GDPD4: variants seen among roughly 807,000 people sequenced by gnomAD.
GDPD4 encodes glycerophosphodiester phosphodiesterase 6.
GDPD4 carries 60 observed loss-of-function variants against 67.8 expected under a neutral mutation model. The ratio of observed to expected loss-of-function variants is 0.88; its 90% CI spans 0.72 to 1.10. The LOEUF is 1.10. GDPD4 is among the 50% of genes least tolerant of loss of function. The pLI, the probability that GDPD4 is intolerant of heterozygous loss-of-function variation, is 0.00. For synonymous variants in GDPD4, 212 were observed against 210.9 expected (o/e 1.00, Z -0.04); for missense variants, 623 against 613.9 (o/e 1.01, Z -0.16).
At chr11:77,222,199 T>C (rs1039334445) in intron 16 of GDPD4, among the ~76,000 whole-genome samples, 1 of 152,228 alleles carries the variant, frequency 6.6e-6, no homozygotes, top group Non-Finnish European at 1.5e-5. Flanking sequence ...TGTCTTTTAA[T>C]TGGGGCATTT....
chr11:77,291,640 A>G (rs932153508), intron 1 of GDPD4, among the ~76,000 whole-genome samples: 1 of 152,228 alleles, frequency 6.6e-6, no homozygotes, highest in Non-Finnish European at 1.5e-5. Flanking sequence ...AAATAAGTAC[A>G]AACATTATGT....
At position 77,297,045 on chromosome 11, in the gene GDPD4, C is replaced by T. The variant is rs189157649; in HGVS notation, c.-254+4560G>A. 8.9e-3 allele frequency among the ~76,000 whole-genome samples: 1,236 copies of T among 138,102 alleles called. 28 individuals are homozygous for T. Among genetic ancestry groups the T allele is most frequent in the African/African-American group, 0.032 (1,176 of 36,804 alleles). The allele number at this position is 138,102 out of a possible 152,430, so 90.6% of individuals were successfully genotyped here. On this transcript the variant is annotated intron_variant, in intron 1 of 16. Transcript: ENST00000315938. ...CTCCAGCCTGGGGGACAGAGGGAGA[C>T]TGCCTCAAAAAAAACAAAAAAAAAA...
chr11:77,248,066 A>AG (rs1555118245), intron 11 of GDPD4, among the ~76,000 whole-genome samples: 90 of 151,520 alleles, frequency 5.9e-4, no homozygotes, highest in African/African-American at 2.1e-3. Flanking sequence ...AAAAAAAAAA[A>AG]AAAAAGAAAA....
intron 10 of GDPD4, among the ~76,000 whole-genome samples, chr11:77,266,967 A>G (rs1231311082): frequency 1.3e-5 from 2 of 152,214 alleles, no homozygotes; most frequent in Non-Finnish European, 2.9e-5. Flanking sequence ...AGTAGTGTAC[A>G]TAATGTCCTA....
At chr11:77,296,563 T>C in intron 1 of GDPD4, among the ~76,000 whole-genome samples, 1 of 150,870 alleles carries the variant, frequency 6.6e-6, no homozygotes. Flanking sequence ...CTCAAGTAAC[T>C]GCCCGCCTTG....
intron 11 of GDPD4, among the ~76,000 whole-genome samples, chr11:77,252,575 C>T (rs911273097): frequency 1.3e-5 from 2 of 151,910 alleles, no homozygotes; most frequent in Non-Finnish European, 2.9e-5. Context: ...GTCATATTTC[C>T]TTGCTTTTTC....
chr11:77,229,405 T>G (rs1011881297), intron 14 of GDPD4, among the ~76,000 whole-genome samples, 173 bp from the exon 15 acceptor site: 1 of 152,222 alleles, frequency 6.6e-6, no homozygotes, highest in Non-Finnish European at 1.5e-5. Context: ...TCCCTGCAAG[T>G]GTCCTAACAG....
At chr11:77,278,680 A>G (rs916849595) in intron 4 of GDPD4, among the ~76,000 whole-genome samples, 1 of 152,240 alleles carries the variant, frequency 6.6e-6, no homozygotes, top group African/African-American at 2.4e-5. Context: ...AGAGAAAGTT[A>G]TCTGCCCTAT....
rs201986414 is a variant in GDPD4, at chr11:77,233,052, A to G, written c.1362T>C (p.Ser454=). Residue 454 remains serine, a synonymous_variant, in exon 14 of 17, where the codon AGT becomes AGC. Transcript: ENST00000315938. The part of the protein sequence containing the change: ...SVTTDNIGLL[S]QLDHPHFFMT... Reference sequence around the variant, plus strand: ...TGAAGAAGTGAGGGTGATCAAGCTGACTCAGGAGCCCAATGTTGTCTGTGG... The same window carrying G: ...TGAAGAAGTGAGGGTGATCAAGCTGGCTCAGGAGCCCAATGTTGTCTGTGG... 36 of 1,614,008 alleles carry G rather than the reference A, an allele frequency of 2.2e-5. No individual in the cohort carries two copies. The highest frequency in any genetic ancestry group is 2.9e-5 in the Non-Finnish European group (34 of 1,180,008).
At chr11:77,226,211 C>T (rs1958334691) in intron 16 of GDPD4, among the ~76,000 whole-genome samples, 1 of 152,200 alleles carries the variant, frequency 6.6e-6, no homozygotes, top group Non-Finnish European at 1.5e-5. Flanking sequence ...ATGTTTCCTC[C>T]TCATCTCCAT....
chr11:77,221,485 A>ATG (rs1167293822), intron 16 of GDPD4, among the ~76,000 whole-genome samples: 2 of 152,094 alleles, frequency 1.3e-5, no homozygotes, highest in Non-Finnish European at 2.9e-5. Context: ...TCATTTCGTT[A>ATG]TGTACCCAGT....
intron 16 of GDPD4, among the ~76,000 whole-genome samples, chr11:77,226,086 C>T (rs376994185): frequency 3.7e-4 from 56 of 152,160 alleles, no homozygotes; most frequent in Non-Finnish European, 6.9e-4. Context: ...TTTCTCATCA[C>T]CATTTTAGCA....
chr11:77,265,911 T>C (rs140955046), intron 10 of GDPD4, among the ~76,000 whole-genome samples: 1 of 152,314 alleles, frequency 6.6e-6, no homozygotes, highest in East Asian at 1.9e-4. Context: ...TCATACAGTA[T>C]ATAACCTTTT....
At chr11:77,243,630 T>C (rs1958716567) in intron 13 of GDPD4, 64 bp downstream of exon 13, 2 of 1,342,048 alleles carry the variant, frequency 1.5e-6, no homozygotes, top group African/African-American at 2.9e-5. Context: ...AGAAGTTTAA[T>C]TAGAATGTGT....
At chr11:77,241,949 A>G (rs773935190) in intron 13 of GDPD4, among the ~76,000 whole-genome samples, 19 of 152,096 alleles carry the variant, frequency 1.2e-4, no homozygotes, top group Non-Finnish European at 2.6e-4. Flanking sequence ...AAATAAATAA[A>G]TAAGTCTAAC....
At chr11:77,294,960 C>CTTTTTTTTT (rs144796072) in intron 1 of GDPD4, among the ~76,000 whole-genome samples, 2 of 66,384 alleles carry the variant, frequency 3.0e-5, no homozygotes, top group Non-Finnish European at 2.7e-5. Context: ...TACAACTTTG[C>CTTTTTTTTT]TTTTTTTTTT....
chr11:77,241,638 T>TTA (rs1555117054), intron 13 of GDPD4, among the ~76,000 whole-genome samples: 1 of 60,824 alleles, frequency 1.6e-5, no homozygotes, highest in Non-Finnish European at 2.8e-5. Context: ...ACCCTGTCTT[T>TTA]AAAAAAAAAA....
At position 77,217,185 on chromosome 11, in the gene GDPD4, T is replaced by A. The variant is rs778704867; in HGVS notation, c.*92A>T. 9 of 961,806 alleles carry A rather than the reference T, an allele frequency of 9.4e-6. No homozygotes were observed. Among genetic ancestry groups the A allele is most frequent in the African/African-American group, 1.6e-5 (1 of 62,506 alleles). 59.6% of individuals were successfully genotyped at this position (961,806 alleles called of 1,614,324 possible). A position where few individuals can be genotyped will look rare whatever the true frequency, so the allele number is the denominator to read the frequency against. On this transcript the variant is annotated 3_prime_UTR_variant, in exon 17 of 17. Coordinates refer to ENST00000315938, the MANE Select transcript of GDPD4 (RefSeq NM_182833.3). ...AAATGGCCTTGGTGTTCCTTTCCAC[T>A]CTTGGGTAGAGCCGGGTAGAGGGCT... is the stretch of plus-strand genomic sequence containing the variant.
intron 16 of GDPD4, among the ~76,000 whole-genome samples, chr11:77,222,878 T>A (rs1021621939): frequency 1.5e-4 from 23 of 152,122 alleles, no homozygotes; most frequent in Non-Finnish European, 3.2e-4. Flanking sequence ...CAATCAAATG[T>A]AGATTTGGTC....
Sources: gnomAD v4.1 joint callset for allele counts (sites outside exome capture counted in the v4.1 genomes callset) on GRCh38, gnomAD v4.1.1 for gene constraint, MANE v1.5 for transcripts, NCBI Gene and HGNC (gene_info 2026-07-23, HGNC 2026-07-21) for gene names.